Variants in GGNBP2 observed in about 807,000 individuals in gnomAD.
GGNBP2 encodes the protein gametogenetin binding protein 2.
GGNBP2 carries 10 observed loss-of-function variants against 85.9 expected under a neutral mutation model. That is an observed-to-expected ratio of 0.12 (90% CI 0.07 to 0.20). GGNBP2 has a LOEUF of 0.20. GGNBP2 is among the 10% of genes least tolerant of loss of function. The pLI is 1.00. For missense variants in GGNBP2, 595 were observed against 857.8 expected (o/e 0.69, Z 3.83); for synonymous variants, 287 against 285.7 (o/e 1.00, Z -0.05).
chr17:36,568,377 C>T (rs1319466471), intron 6 of GGNBP2, among the ~76,000 whole-genome samples: 1 of 151,780 alleles, frequency 6.6e-6, no homozygotes, highest in Non-Finnish European at 1.5e-5. Flanking sequence ...GATCACTGTT[C>T]CCTCCGCCTC....
intron 4 of GGNBP2, among the ~76,000 whole-genome samples, chr17:36,558,009 G>A (rs578027987): frequency 6.6e-6 from 1 of 152,244 alleles, no homozygotes; most frequent in East Asian, 1.9e-4. Context: ...CTATTCAGGA[G>A]GCTGAGGCAG....
At chr17:36,562,902 T>C (rs1180802909) in intron 5 of GGNBP2, among the ~76,000 whole-genome samples, 3 of 126,044 alleles carry the variant, frequency 2.4e-5, no homozygotes, top group African/African-American at 3.2e-5. Context: ...GAGGTGGAGG[T>C]TGCAGTGAGC....
intron 6 of GGNBP2, chr17:36,576,942 T>C (rs1204567302): frequency 6.6e-6 from 1 of 152,120 alleles, no homozygotes; most frequent in Non-Finnish European, 1.5e-5. Flanking sequence ...CTATTGGACA[T>C]CTGCCATGTC....
chr17:36,553,391 A>G (rs894201142), intron 2 of GGNBP2, among the ~76,000 whole-genome samples: 1 of 152,042 alleles, frequency 6.6e-6, no homozygotes, highest in Non-Finnish European at 1.5e-5. Context: ...TCTTAAATCT[A>G]TTGCTTACGT....
At position 36,579,424 on chromosome 17, in the gene GGNBP2, G is replaced by A. The variant is rs764696894; in HGVS notation, c.1020+5G>A. On this transcript the variant is annotated splice_donor_5th_base_variant and intron_variant, in intron 8 of 13. Coordinates refer to ENST00000613102, the MANE Select transcript of GGNBP2 (RefSeq NM_024835.5). ...GCTTTACGCAAGAGTTTTGAGGTAA[G>A]AACAGTGGGCTGTTCCAGTATCTCA... 1.9e-6 allele frequency: 3 copies of A among 1,613,602 alleles called. No individual in the cohort carries two copies. Among genetic ancestry groups the A allele is most frequent in the Admixed American group, 1.7e-5 (1 of 60,008 alleles).
chr17:36,557,394 C>G, intron 4 of GGNBP2, 58 bp downstream of exon 4: 1 of 1,390,696 alleles, frequency 7.2e-7, no homozygotes, highest in Non-Finnish European at 1.0e-6. Flanking sequence ...AGCTTGGTGA[C>G]AGTGGCAGCT....
At chr17:36,575,648 A>ATATATATTTTTT (rs374366757) in intron 6 of GGNBP2, among the ~76,000 whole-genome samples, 2 of 54,908 alleles carry the variant, frequency 3.6e-5, no homozygotes, top group Admixed American at 2.6e-4. Flanking sequence ...ATATATATAT[A>ATATATATTTTTT]TTTTTTTTTT....
chr17:36,579,132 C>A (rs1429181307), intron 7 of GGNBP2, 113 bp from the exon 8 acceptor site: 2 of 805,118 alleles, frequency 2.5e-6, no homozygotes, highest in Non-Finnish European at 4.1e-6. Context: ...AAATGTATAA[C>A]TGTCTTGTTA....
At chr17:36,558,693 C>T (rs982099918) in intron 4 of GGNBP2, among the ~76,000 whole-genome samples, 93 of 151,628 alleles carry the variant, frequency 6.1e-4, no homozygotes, top group Middle Eastern at 3.4e-3. Flanking sequence ...TGACCTCAGG[C>T]GATCTGCCCG....
chr17:36,566,959 G>A (rs934897411), intron 5 of GGNBP2, among the ~76,000 whole-genome samples: 25 of 151,844 alleles, frequency 1.6e-4, no homozygotes, highest in African/African-American at 5.6e-4. Context: ...TGAGGTCAGG[G>A]GTTTGAGGCC....
intron 11 of GGNBP2, 29 bp downstream of exon 11, chr17:36,585,994 T>TA (rs1334650860): frequency 1.2e-6 from 2 of 1,613,964 alleles, no homozygotes; most frequent in Admixed American, 3.3e-5. Context: ...TCCCAGTTAT[T>TA]TCTACTACAT....
rs374880267 is a variant in GGNBP2 at position 36,580,787 on chromosome 17, C to T, written c.1021-557C>T. On this transcript the variant is annotated intron_variant, in intron 8 of 13. Coordinates refer to ENST00000613102, the MANE Select transcript of GGNBP2 (RefSeq NM_024835.5). ...ATACAAAAATCAGCCAGTGTGGTGGCGCATGCCTGTGGTCTCAGCTACTTG... is the reference window on the plus strand; with the variant it reads ...ATACAAAAATCAGCCAGTGTGGTGGTGCATGCCTGTGGTCTCAGCTACTTG... Among the ~76,000 whole-genome samples, 72 of 151,946 alleles carry T rather than the reference C, an allele frequency of 4.7e-4. No individual in the cohort carries two copies. In the East Asian group the frequency reaches 0.011, roughly 23 times the overall value.
At chr17:36,564,713 C>T (rs2074451878) in intron 5 of GGNBP2, among the ~76,000 whole-genome samples, 1 of 152,208 alleles carries the variant, frequency 6.6e-6, no homozygotes. Context: ...TTAAATGCTA[C>T]TATGATTCTC....
intron 5 of GGNBP2, among the ~76,000 whole-genome samples, chr17:36,563,864 C>A (rs1299416655): frequency 1.3e-5 from 2 of 151,910 alleles, no homozygotes; most frequent in African/African-American, 4.8e-5. Flanking sequence ...CTGCCTCAGC[C>A]TCCCAAGTAG....
rs1329154431 is a variant in GGNBP2, at chr17:36,582,079, A to AT, written c.1215+542dup. The AT allele has an allele frequency of 3.3e-5, 5 of 152,166 alleles. No individual in the cohort carries two copies. In the East Asian group the frequency reaches 9.6e-4, roughly 29 times the overall value. The allele number at this position is 152,166 out of a possible 1,614,324, so 9.4% of individuals were successfully genotyped here. ...TTTATTGTAGAGATGGCGTTTTACC[A>AT]TGTTGTTCAGGCTGGTCTCCAGCTT... is the stretch of plus-strand genomic sequence containing the variant. On this transcript the variant is annotated intron_variant, in intron 9 of 13. Transcript: ENST00000613102.
chr17:36,585,185 T>C (rs1011086490), intron 9 of GGNBP2, 115 bp from the exon 10 acceptor site: 4 of 838,428 alleles, frequency 4.8e-6, no homozygotes, highest in Non-Finnish European at 7.7e-6. Context: ...TAAATGTCAG[T>C]ACAGTGAAAA....
At chr17:36,573,687 T>G (rs900140108) in intron 6 of GGNBP2, among the ~76,000 whole-genome samples, 2 of 152,142 alleles carry the variant, frequency 1.3e-5, no homozygotes, top group Non-Finnish European at 2.9e-5. Flanking sequence ...ACACTTGTTA[T>G]TTGTTGTTGT....
In GGNBP2 at chr17:36,585,303, A is replaced by G; in HGVS notation, c.1219A>G (p.Thr407Ala). ...DEKEVSQEKE[T>A]DFIENSSCKA... ...CTCTTAATGTTGATCCTTAAAGGAA[A>G]CAGACTTCATAGAAAATAGCAGCTG... The change falls in exon 10 of 14, where the codon ACA (threonine) becomes GCA (alanine). Residue 407 changes from threonine to alanine, a missense_variant. This residue lies in a region of GGNBP2 where 85 missense variants were observed against 92.6 expected (regional missense o/e 0.92). Coordinates refer to ENST00000613102, the MANE Select transcript of GGNBP2 (RefSeq NM_024835.5). 6.2e-7 allele frequency: 1 copy of G among 1,611,930 alleles called. No individual in the cohort carries two copies.
intron 13 of GGNBP2, 178 bp downstream of exon 13, chr17:36,587,423 A>C (rs1164428524): frequency 1.5e-6 from 1 of 682,648 alleles, no homozygotes; most frequent in Admixed American, 2.5e-5. Flanking sequence ...GGTTTATGCA[A>C]CTACTCTGGA....
Sources: allele counts gnomAD v4.1 joint callset (sites outside exome capture counted in the v4.1 genomes callset), GRCh38; gene constraint gnomAD v4.1.1; regional missense constraint gnomAD v4.1.1; transcripts MANE v1.5; gene names NCBI Gene and HGNC (gene_info 2026-07-23, HGNC 2026-07-21).